The following SP140 variants were observed in gnomAD, a reference collection of about 807,000 sequenced individuals.
SP140 encodes SP140 nuclear body protein.
A neutral mutation model predicts 125.0 loss-of-function variants in SP140; 81 were observed. The ratio of observed to expected loss-of-function variants is 0.65; its 90% CI spans 0.54 to 0.78. The LOEUF (loss-of-function observed/expected upper bound fraction) is 0.78. Among genes scored for constraint, SP140 ranks in the 30% least tolerant of loss-of-function variants. SP140 has a pLI of 0.00. For synonymous variants in SP140, 312 were observed against 354.0 expected (o/e 0.88, Z 1.33); for missense variants, 858 against 1,037.0 (o/e 0.83, Z 2.37).
chr2:230,225,721 G>A (rs1037852189), upstream of SP140: 2 of 795,604 alleles, frequency 2.5e-6, no homozygotes, highest in African/African-American at 1.7e-5. Flanking sequence ...CAGCTAGTTA[G>A]GCAATTTCAC....
chr2:230,251,116 T>C, intron 10 of SP140, 55 bp downstream of exon 10: 1 of 1,429,502 alleles, frequency 7.0e-7, no homozygotes, highest in Non-Finnish European at 9.8e-7. Flanking sequence ...GAGGTTGAAT[T>C]TGGAGCTTGT....
intron 12 of SP140, among the ~76,000 whole-genome samples, chr2:230,269,143 G>C (rs192326050): frequency 5.4e-4 from 82 of 152,304 alleles, no homozygotes; most frequent in African/African-American, 1.9e-3. Flanking sequence ...CTGGGCTTCA[G>C]ATATGTAGAA....
intron 15 of SP140, among the ~76,000 whole-genome samples, chr2:230,279,468 C>T (rs2055202573): frequency 6.6e-6 from 1 of 152,022 alleles, no homozygotes; most frequent in African/African-American, 2.4e-5. Flanking sequence ...TAAAAACAGA[C>T]ATAAACCAAT....
chr2:230,299,474 C>G (rs1337797478), intron 22 of SP140, among the ~76,000 whole-genome samples: 1 of 152,200 alleles, frequency 6.6e-6, no homozygotes, highest in Non-Finnish European at 1.5e-5. Context: ...GAAGCCATTT[C>G]TGACTTTATC....
At chr2:230,195,388 G>A in the SP140 span, among the ~76,000 whole-genome samples, 3 of 152,116 alleles carry the variant, frequency 2.0e-5, no homozygotes, top group African/African-American at 4.8e-5. Flanking sequence ...AGGCTGGAGT[G>A]CAGTGGCATA....
rs781178589 is a variant in SP140, at chr2:230,269,668, A to T, written c.1327+50A>T. On this transcript the variant is annotated intron_variant, in intron 13 of 26. Coordinates refer to ENST00000392045, the MANE Select transcript of SP140 (RefSeq NM_007237.5). The stretch of plus-strand genomic sequence containing the variant: ...AAACAGAAACAGAGTTCTGATAAAG[A>T]GAAAAAGGAGGAGAAAAAATAGACT... The T allele has an allele frequency of 6.5e-6, 8 of 1,230,250 alleles. No homozygotes were observed. The Admixed American group carries it at 1.8e-4, about 27-fold the overall frequency. 76.2% of individuals were successfully genotyped at this position (1,230,250 alleles called of 1,614,324 possible). A position where few individuals can be genotyped will look rare whatever the true frequency, so the allele number is the denominator to read the frequency against.
At chr2:230,207,864 CACTG>C (rs1166020943) in intron 1 of SP140, 1 of 670,090 alleles carries the variant, frequency 1.5e-6, no homozygotes, top group Non-Finnish European at 2.7e-6. Flanking sequence ...TGTGTCACTT[CACTG>C]ACTAAATCTC....
intron 12 of SP140, among the ~76,000 whole-genome samples, chr2:230,263,728 A>T (rs1176394808): frequency 2.0e-5 from 3 of 152,076 alleles, no homozygotes; most frequent in Non-Finnish European, 4.4e-5. Context: ...TTCGTATATG[A>T]TGCTTAGTTT....
chr2:230,197,493 TG>T, the SP140 span, among the ~76,000 whole-genome samples: 2 of 148,694 alleles, frequency 1.3e-5, no homozygotes, highest in Non-Finnish European at 3.0e-5. Context: ...TTTTGTAGGT[TG>T]CCTGTTCACT....
chr2:230,202,926 A>G (rs947208985), upstream of SP140: 8 of 609,408 alleles, frequency 1.3e-5, no homozygotes, highest in Non-Finnish European at 2.3e-5. Context: ...TGCCTCCCCA[A>G]ATTACCATCT....
rs1170781191 is a variant in SP140, at chr2:230,313,059, C to G, written c.*375C>G. 2.8e-5 allele frequency: 6 copies of G among 213,094 alleles called. No homozygotes were observed. The highest frequency in any genetic ancestry group is 4.7e-5 in the Non-Finnish European group (5 of 107,442). The allele number at this position is 213,094 out of a possible 1,614,324, so 13.2% of individuals were successfully genotyped here. On this transcript the variant is annotated 3_prime_UTR_variant, in exon 27 of 27. Coordinates refer to ENST00000392045, the MANE Select transcript of SP140 (RefSeq NM_007237.5). ...GACACACTTCTTGCCTTCACTTTCC[C>G]ACTTCCGTGGCCACCTCCATGCAGA...
chr2:230,284,453 T>C (rs762283833), intron 16 of SP140, 42 bp downstream of exon 16: 9 of 1,536,042 alleles, frequency 5.9e-6, no homozygotes, highest in Non-Finnish European at 8.0e-6. Flanking sequence ...TTGAGTTTAT[T>C]AGGGCACTGT....
In SP140 at chr2:230,241,485, A is replaced by T. The variant is rs746236004; in HGVS notation, c.488A>T (p.Gln163Leu). The part of the protein sequence containing the change: ...DRPRLLPYGK[Q>L]ENSNACHEMD... ...CCCAGATTACTACCATATGGTAAAC[A>T]AGGTAACTATCATTTAGCTGATCAA... Residue 163 changes from glutamine (Q) to leucine (L), a missense_variant and splice_region_variant, in exon 4 of 27, where the codon CAA (glutamine) becomes CTA (leucine). This residue lies in a region of SP140 where 791 missense variants were observed against 869.5 expected (regional missense o/e 0.91). Transcript: ENST00000392045. 1 of 1,536,626 alleles carries T rather than the reference A, an allele frequency of 6.5e-7. No homozygotes were observed. The highest frequency in any genetic ancestry group is 9.0e-7 in the Non-Finnish European group (1 of 1,109,582).
intron 12 of SP140, among the ~76,000 whole-genome samples, chr2:230,266,924 C>T (rs1025033408): frequency 2.0e-5 from 3 of 152,190 alleles, no homozygotes; most frequent in Admixed American, 6.5e-5. Context: ...CTCTATTAGT[C>T]TCTCTTAAGG....
At chr2:230,307,775 C>A (rs1217562603) in intron 22 of SP140, among the ~76,000 whole-genome samples, 1 of 151,982 alleles carries the variant, frequency 6.6e-6, no homozygotes, top group Admixed American at 6.6e-5. Context: ...GAGCCAAGTG[C>A]AGCCTGCCAG....
chr2:230,241,312 TG>T, intron 3 of SP140, 91 bp from the exon 4 acceptor site: 1 of 799,308 alleles, frequency 1.3e-6, no homozygotes, highest in Non-Finnish European at 2.2e-6. Flanking sequence ...TGGGAGATCC[TG>T]GGGCTTGGAC....
Position 230,290,470 on chromosome 2 carries a change from G to C in SP140, c.1731G>C (p.Lys577Asn). The change falls in exon 19 of 27, where the codon AAG (lysine) becomes AAC (asparagine). Residue 577 changes from lysine (K) to asparagine (N), a missense_variant. By Grantham distance (94) the Lys-to-Asn change is moderately conservative. This residue lies in a region of SP140 where 791 missense variants were observed against 869.5 expected (regional missense o/e 0.91). Transcript: ENST00000392045. ...AATCCTCTCTTTCAGCTTCAAGAAA[G>C]CACAAAGATGAAACTGTGGATTTTA... ...QKRVRSRASRKHKDETVDFKA... is the reference protein window; with the variant it reads ...QKRVRSRASRNHKDETVDFKA... 1.9e-6 allele frequency: 3 copies of C among 1,613,810 alleles called. No homozygotes were observed. The highest frequency in any genetic ancestry group is 2.5e-6 in the Non-Finnish European group (3 of 1,179,862).
intron 22 of SP140, among the ~76,000 whole-genome samples, chr2:230,306,105 G>A (rs1438375232): frequency 6.6e-6 from 1 of 152,220 alleles, no homozygotes; most frequent in African/African-American, 2.4e-5. Flanking sequence ...AGCAGGAACG[G>A]CCAGAGGAGC....
chr2:230,194,487 C>CGG, the SP140 span, among the ~76,000 whole-genome samples: 5 of 151,596 alleles, frequency 3.3e-5, no homozygotes, highest in African/African-American at 1.2e-4. Flanking sequence ...AAGAAAGGAA[C>CGG]AGAAAGGGAA....
Sources: allele counts gnomAD v4.1 joint callset (sites outside exome capture counted in the v4.1 genomes callset), GRCh38; gene constraint gnomAD v4.1.1; regional missense constraint gnomAD v4.1.1; transcripts MANE v1.5; gene names NCBI Gene and HGNC (gene_info 2026-07-23, HGNC 2026-07-21).